The following SLC12A7 variants were observed in gnomAD, a reference collection of about 807,000 sequenced individuals.
SLC12A7 encodes the protein solute carrier family 12 member 7.
In SLC12A7, 100 loss-of-function variants were observed where a neutral mutation model predicts 120.6. That is an observed-to-expected ratio of 0.83 (90% confidence interval 0.71 to 0.98). The LOEUF is 0.98. Among genes scored for constraint, SLC12A7 ranks in the 50% least tolerant of loss-of-function variants. The pLI, the probability that SLC12A7 is intolerant of heterozygous loss-of-function variation, is 0.00. For missense variants in SLC12A7, 1,373 were observed against 1,548.1 expected (o/e 0.89, Z 1.90); for synonymous variants, 760 against 678.0 (o/e 1.12, Z -1.88).
At chr5:1,057,343 C>T in intron 22 of SLC12A7, 128 bp downstream of exon 22, 2 of 990,002 alleles carry the variant, frequency 2.0e-6, no homozygotes, top group Non-Finnish European at 1.5e-6. Context: ...TCCCTGTTCT[C>T]TAACGGGCCC....
chr5:1,070,019 G>A (rs1332408041), intron 17 of SLC12A7, among the ~76,000 whole-genome samples: 1 of 15,084 alleles, frequency 6.6e-5, no homozygotes. Context: ...CCAGCACACG[G>A]GCATCACACT....
At chr5:1,086,840 A>T in intron 6 of SLC12A7, 63 bp downstream of exon 6, 1 of 1,587,924 alleles carries the variant, frequency 6.3e-7, no homozygotes, top group Admixed American at 1.7e-5. Flanking sequence ...TGGGTCAGGC[A>T]GGGCCCCTTG....
intron 1 of SLC12A7, among the ~76,000 whole-genome samples, chr5:1,096,194 A>C (rs1741116633): frequency 6.6e-6 from 1 of 152,184 alleles, no homozygotes. Flanking sequence ...CGCCTGTGAG[A>C]GGCACCACGT....
chr5:1,066,321 C>G (rs1432102608), intron 17 of SLC12A7, among the ~76,000 whole-genome samples: 1 of 152,140 alleles, frequency 6.6e-6, no homozygotes, highest in Non-Finnish European at 1.5e-5. Context: ...GGACCAGACC[C>G]CACATTTCAC....
At chr5:1,104,348 G>A (rs146612790) in intron 1 of SLC12A7, among the ~76,000 whole-genome samples, 39 of 152,300 alleles carry the variant, frequency 2.6e-4, no homozygotes, top group South Asian at 6.2e-4. Flanking sequence ...ACCTCCTCCC[G>A]GCTGCACGTC....
In SLC12A7 at chr5:1,099,323, G is replaced by A. The variant is rs549418961; in HGVS notation, c.125-5075C>T. Among the ~76,000 whole-genome samples, 102 of 150,880 alleles carry A rather than the reference G, an allele frequency of 6.8e-4. 1 individual carries two copies. The highest frequency in any genetic ancestry group is 1.8e-3 in the African/African-American group (72 of 40,602). On this transcript the variant is annotated intron_variant, in intron 1 of 23. Coordinates refer to ENST00000264930, the MANE Select transcript of SLC12A7 (RefSeq NM_006598.3). ...TCCGGTGGACGGCAGAACCCAACCC[G>A]GTCCACCTCCTCTGGGGCACAGACA...
chr5:1,076,439 C>T (rs1051655751), intron 13 of SLC12A7, among the ~76,000 whole-genome samples: 1 of 151,414 alleles, frequency 6.6e-6, no homozygotes, highest in African/African-American at 2.4e-5. Flanking sequence ...CCTGGTCCAT[C>T]AAGAGATGGG....
At chr5:1,124,445 G>A in the SLC12A7 span, among the ~76,000 whole-genome samples, 15,408 of 152,178 alleles carry the variant, frequency 0.1, 859 homozygotes, top group East Asian at 0.2. Context: ...CTGCAGCCTC[G>A]ACCTCTGCGC....
At chr5:1,076,496 G>A (rs576605093) in intron 13 of SLC12A7, among the ~76,000 whole-genome samples, 198 bp downstream of exon 13, 3 of 146,446 alleles carry the variant, frequency 2.0e-5, no homozygotes, top group African/African-American at 7.5e-5. Flanking sequence ...CACTGTCCCT[G>A]GCTGACCCCA....
At chr5:1,069,415 G>C (rs1277775456) in intron 17 of SLC12A7, among the ~76,000 whole-genome samples, 3 of 152,206 alleles carry the variant, frequency 2.0e-5, no homozygotes, top group Non-Finnish European at 2.9e-5. Context: ...GCGGTGGGGG[G>C]CGGCTGCAGA....
At chr5:1,058,477 C>T (rs1013896595) in intron 21 of SLC12A7, among the ~76,000 whole-genome samples, 3 of 152,248 alleles carry the variant, frequency 2.0e-5, no homozygotes, top group Admixed American at 1.3e-4. Flanking sequence ...GCTGGAGCCC[C>T]GCCTGAGTTT....
intron 18 of SLC12A7, among the ~76,000 whole-genome samples, chr5:1,065,017 G>A (rs1366411979): frequency 7.2e-6 from 1 of 139,358 alleles, no homozygotes; most frequent in African/African-American, 2.7e-5. Context: ...AGACTGAGGG[G>A]ACACGGGACA....
chr5:1,065,965 G>A (rs1413478801), intron 17 of SLC12A7, among the ~76,000 whole-genome samples: 1 of 152,180 alleles, frequency 6.6e-6, no homozygotes, highest in Non-Finnish European at 1.5e-5. Context: ...CTCCTCCCGG[G>A]GTTGGAGGGG....
At chr5:1,062,160 C>G (rs1736363837) in intron 20 of SLC12A7, among the ~76,000 whole-genome samples, 1 of 152,186 alleles carries the variant, frequency 6.6e-6, no homozygotes, top group Non-Finnish European at 1.5e-5. Flanking sequence ...GCTTCTGGCA[C>G]CACGGAGGGG....
intron 1 of SLC12A7, among the ~76,000 whole-genome samples, chr5:1,103,546 CT>C (rs1031245439): frequency 1.3e-5 from 2 of 152,378 alleles, no homozygotes; most frequent in East Asian, 1.9e-4. Context: ...CGCTTCCCCC[CT>C]CATTCATACA....
intron 1 of SLC12A7, 47 bp downstream of exon 1, chr5:1,111,821 C>T: frequency 1.7e-6 from 2 of 1,194,654 alleles, no homozygotes; most frequent in Admixed American, 4.5e-5. Flanking sequence ...CCCAGACCCG[C>T]GCTCGGGGCG....
intron 7 of SLC12A7, 136 bp from the exon 8 acceptor site, chr5:1,084,092 G>A: frequency 1.4e-6 from 1 of 716,262 alleles, no homozygotes; most frequent in Non-Finnish European, 2.4e-6. Flanking sequence ...AAGACAGGAA[G>A]GCCACAGATC....
the SLC12A7 span, among the ~76,000 whole-genome samples, chr5:1,152,651 G>A: frequency 2.5e-5 from 3 of 120,692 alleles, no homozygotes; most frequent in African/African-American, 1.0e-4. Context: ...AGCTAGAGAA[G>A]GGCGACTCCC....
intron 14 of SLC12A7, chr5:1,075,927 C>T: frequency 1.8e-6 from 1 of 552,048 alleles, no homozygotes; most frequent in Non-Finnish European, 3.2e-6. Flanking sequence ...TCCTCAGGTG[C>T]AGTCTCATCA....
Sources: allele counts gnomAD v4.1 joint callset (sites outside exome capture counted in the v4.1 genomes callset), GRCh38; gene constraint gnomAD v4.1.1; transcripts MANE v1.5; gene names NCBI Gene and HGNC (gene_info 2026-07-23, HGNC 2026-07-21).